Variants in DNAL4 observed in about 807,000 individuals in gnomAD.
DNAL4 encodes the protein dynein axonemal light chain 4.
Under a neutral mutation model 12.6 loss-of-function variants are expected in DNAL4, and 10 were observed. The ratio of observed to expected loss-of-function variants is 0.79; its 90% confidence interval spans 0.49 to 1.34. The LOEUF (loss-of-function observed/expected upper bound fraction) is 1.34, where lower values mean the gene tolerates loss of function less well. DNAL4 is among the 40% of genes most tolerant of loss of function. The pLI is 0.00. For synonymous variants in DNAL4, 46 were observed against 53.1 expected, an observed-to-expected ratio of 0.87 and a Z score of 0.58; for missense variants, 128 against 138.1, an observed-to-expected ratio of 0.93 and a Z score of 0.37.
chr22:38,790,463 G>T (rs749479862), intron 1 of DNAL4, among the ~76,000 whole-genome samples: 25 of 152,178 alleles, frequency 1.6e-4, no homozygotes, highest in Non-Finnish European at 3.2e-4. Context: ...CCACTGATGG[G>T]GAGAGGGGAA....
At chr22:38,789,498 A>C (rs776951359) in intron 1 of DNAL4, among the ~76,000 whole-genome samples, 24 of 152,094 alleles carry the variant, frequency 1.6e-4, no homozygotes, top group African/African-American at 1.9e-4. Context: ...CTGGTCTCAA[A>C]CACCTGAGCT....
At position 38,779,442 on chromosome 22, in the gene DNAL4, C is replaced by T; in HGVS notation, c.*7G>A. On this transcript the variant is annotated 3_prime_UTR_variant, in exon 4 of 4. Transcript: ENST00000216068. The surrounding 1 kb of genome is among the most constrained non-coding windows in gnomAD (Gnocchi z 4.3). ...GCCCTGCAGGGGACGGGGCAGGGGA[C>T]AGAGTGTCAGGAGCACTTCCAGACG... 6.4e-7 allele frequency: 1 copy of T among 1,564,242 alleles called. No individual in the cohort carries two copies. The highest frequency in any genetic ancestry group is 8.7e-7 in the Non-Finnish European group (1 of 1,154,524).
At chr22:38,789,296 C>T (rs969830217) in intron 1 of DNAL4, among the ~76,000 whole-genome samples, 1 of 152,180 alleles carries the variant, frequency 6.6e-6, no homozygotes, top group Non-Finnish European at 1.5e-5. Context: ...GACAGGGTCT[C>T]ACTCTGTTGC....
chr22:38,779,650 G>A lies in DNAL4; in HGVS notation c.154-37C>T, dbSNP rs779006798. On this transcript the variant is annotated intron_variant, in intron 3 of 3. Coordinates refer to ENST00000216068, the MANE Select transcript of DNAL4 (RefSeq NM_005740.3). The surrounding 1 kb of genome is among the most constrained non-coding windows in gnomAD (Gnocchi z 4.3). ...AGGGCACTTATCAAGGGGGCGCAGG[G>A]CAGGTGGGGGCAGGAGTCAGGTCCT... 250 of 1,566,072 alleles carry A rather than the reference G, an allele frequency of 1.6e-4. No homozygotes were observed. Among genetic ancestry groups the A allele is most frequent in the Non-Finnish European group, 2.1e-4 (237 of 1,152,774 alleles).
At chr22:38,780,752 G>A (rs938830979) in intron 3 of DNAL4, 174 bp downstream of exon 3, 2 of 632,672 alleles carry the variant, frequency 3.2e-6, no homozygotes, top group Non-Finnish European at 5.5e-6. Flanking sequence ...TCAGTGCCTG[G>A]AGTCAGCGCC....
At chr22:38,783,361 GCGGGCCTTCCCTCCCACTGCATACA>G (rs2093037423) in intron 1 of DNAL4, among the ~76,000 whole-genome samples, 2 of 122,164 alleles carry the variant, frequency 1.6e-5, no homozygotes, top group South Asian at 2.7e-4. Flanking sequence ...CACTACATAC[GCGGGCCTTCCCTCCCACTGCATACA>G]CGGGCCTTCC....
chr22:38,783,387 C>T (rs1200868577), intron 1 of DNAL4, among the ~76,000 whole-genome samples: 1 of 124,708 alleles, frequency 8.0e-6, no homozygotes, highest in Non-Finnish European at 1.9e-5. Flanking sequence ...ACTGCATACA[C>T]GGGCCTTCCC....
chr22:38,783,656 C>G (rs1212105806), intron 1 of DNAL4, among the ~76,000 whole-genome samples: 1 of 152,226 alleles, frequency 6.6e-6, no homozygotes, highest in African/African-American at 2.4e-5. Context: ...GGCCCAGCAG[C>G]TGGGAGGCTT....
intron 2 of DNAL4, among the ~76,000 whole-genome samples, chr22:38,781,344 C>A (rs549533490): frequency 2.7e-4 from 41 of 152,248 alleles, no homozygotes; most frequent in Admixed American, 1.1e-3. Flanking sequence ...CCCGGAGGCC[C>A]GAAGAGGCCG....
intron 1 of DNAL4, among the ~76,000 whole-genome samples, chr22:38,791,923 TCC>T: frequency 6.6e-6 from 1 of 151,876 alleles, no homozygotes; most frequent in South Asian, 2.1e-4. Context: ...CAGGCTGGTC[TCC>T]ATCGCCTGAC....
intron 1 of DNAL4, among the ~76,000 whole-genome samples, chr22:38,788,007 A>G (rs1603240183): frequency 6.6e-6 from 1 of 152,302 alleles, no homozygotes; most frequent in East Asian, 1.9e-4. Flanking sequence ...GTAGGAGACA[A>G]GCCAGTAACA....
rs116452445 is a variant in DNAL4, at chr22:38,791,153, C to T, written c.-140+2915G>A. 4.7e-3 allele frequency among the ~76,000 whole-genome samples: 696 copies of T among 146,806 alleles called. 4 individuals are homozygous for T. Among genetic ancestry groups the T allele is most frequent in the African/African-American group, 0.017 (656 of 39,700 alleles). On this transcript the variant is annotated intron_variant, in intron 1 of 3. Transcript: ENST00000216068. ...CTGCACTCCAGCCTGGGCAGCAGAG[C>T]GAGTCTCCACCTCTAGAAAAAAAAA...
Position 38,782,700 on chromosome 22 carries a change from G to A in DNAL4, c.32C>T (p.Ala11Val), listed in dbSNP as rs776374483. 1 of 1,613,288 alleles carries A rather than the reference G, an allele frequency of 6.2e-7. No homozygotes were observed. MGETEGKKDE[A>V]DYKRLQTFPL... ...GAAGGTCTGCAGTCGCTTATAATCAGCCTCATCTTTCTTCCCTTCTGTTTC... is the reference window on the plus strand; with the variant it reads ...GAAGGTCTGCAGTCGCTTATAATCAACCTCATCTTTCTTCCCTTCTGTTTC... The change falls in exon 2 of 4, where the codon GCT (alanine) becomes GTT (valine). Residue 11 changes from alanine (A) to valine (V), a missense_variant. Transcript: ENST00000216068. This position sits in a 1 kb window ranked among gnomAD's most constrained non-coding sequence, Gnocchi z 5.1.
At chr22:38,790,405 G>A (rs2093048805) in intron 1 of DNAL4, among the ~76,000 whole-genome samples, 1 of 152,336 alleles carries the variant, frequency 6.6e-6, no homozygotes, top group South Asian at 2.1e-4. Context: ...CTGCCCAAAT[G>A]GAATGAGCAT....
Position 38,781,336 on chromosome 22 carries a change from C to G in DNAL4, c.70-327G>C, listed in dbSNP as rs73884539. On this transcript the variant is annotated intron_variant, in intron 2 of 3. Transcript: ENST00000216068. ...AGTGTGTTCCGACGGAATCTCACCC[C>G]GGAGGCCCGAAGAGGCCGCTGGGCG... is the stretch of plus-strand genomic sequence containing the variant. Among the ~76,000 whole-genome samples, 1,117 of 152,362 alleles carry G rather than the reference C, an allele frequency of 7.3e-3. 14 individuals carry two copies. The highest frequency in any genetic ancestry group is 0.026 in the African/African-American group (1,062 of 41,590).
At chr22:38,792,942 A>G (rs2093053279) in intron 1 of DNAL4, among the ~76,000 whole-genome samples, 1 of 152,178 alleles carries the variant, frequency 6.6e-6, no homozygotes, top group African/African-American at 2.4e-5. Context: ...CCTGTACACA[A>G]TTGTATGTGC....
intron 1 of DNAL4, among the ~76,000 whole-genome samples, chr22:38,789,444 T>A (rs1212774910): frequency 2.0e-5 from 3 of 152,094 alleles, no homozygotes; most frequent in African/African-American, 7.2e-5. Flanking sequence ...CTCGGCTAAT[T>A]TTTTTATTTT....
intron 1 of DNAL4, among the ~76,000 whole-genome samples, chr22:38,787,255 T>C (rs1394941704): frequency 6.6e-6 from 1 of 151,794 alleles, no homozygotes; most frequent in Non-Finnish European, 1.5e-5. Context: ...TTTTTTTTTT[T>C]TTTGAGACAG....
In DNAL4 at chr22:38,779,293, T is replaced by C; in HGVS notation, c.*156A>G. 1.0e-6 allele frequency: 1 copy of C among 995,984 alleles called. No homozygotes were observed. Among genetic ancestry groups the C allele is most frequent in the Non-Finnish European group, 1.4e-6 (1 of 707,432 alleles). The allele number at this position is 995,984 out of a possible 1,614,324, so 61.7% of individuals were successfully genotyped here. A position where few individuals can be genotyped will look rare whatever the true frequency, so the allele number is the denominator to read the frequency against. ...GAGCCTGGGGATGGAGATGTCAAGT[T>C]CACACACTGGGCGTGGCTCAGGAAA... is the stretch of plus-strand genomic sequence containing the variant. On this transcript the variant is annotated 3_prime_UTR_variant, in exon 4 of 4. Transcript: ENST00000216068. This position sits in a 1 kb window ranked among gnomAD's most constrained non-coding sequence, Gnocchi z 4.3.
Sources: allele counts gnomAD v4.1 joint callset (sites outside exome capture counted in the v4.1 genomes callset), GRCh38; gene constraint gnomAD v4.1.1; non-coding constraint Gnocchi (gnomAD v3.1); transcripts MANE v1.5; gene names NCBI Gene and HGNC (gene_info 2026-07-23, HGNC 2026-07-21).